Variants in EBI3 observed in about 807,000 individuals in gnomAD.
The protein encoded by EBI3 is interleukin-27 subunit beta.
Under a neutral mutation model 21.3 loss-of-function variants are expected in EBI3, and 19 were observed. The observed-to-expected ratio is 0.89, with a 90% confidence interval of 0.62 to 1.31. The LOEUF is 1.31. EBI3 is among the 50% of genes most tolerant of loss of function. The pLI, the probability that EBI3 is intolerant of heterozygous loss-of-function variation, is 0.00. For missense variants in EBI3, 331 were observed against 314.0 expected (o/e 1.05, Z -0.41); for synonymous variants, 154 against 131.2 (o/e 1.17, Z -1.19).
Position 4,233,300 on chromosome 19 carries a change from G to A in EBI3, c.372G>A (p.Glu124=), listed in dbSNP as rs1293682895. 1.0e-6 allele frequency: 1 copy of A among 970,966 alleles called. No individual in the cohort carries two copies. Among genetic ancestry groups the A allele is most frequent in the East Asian group, 4.7e-5 (1 of 21,336 alleles). The allele number at this position is 970,966 out of a possible 1,614,324, so 60.1% of individuals were successfully genotyped here. The change falls in exon 3 of 5, where the codon GAG becomes GAA. Residue 124 remains glutamate (E), a synonymous_variant. Coordinates refer to ENST00000221847, the MANE Select transcript of EBI3 (RefSeq NM_005755.3). ...SSSSFVPFIT[E]HIIKPDPPEG... The stretch of plus-strand genomic sequence containing the variant: ...GCAGCTTCGTGCCTTTCATAACAGA[G>A]CACATCAGTGAGTGGGGGCGGCAGT...
chr19:4,230,923 CT>C lies in EBI3; in HGVS notation c.68-267del. Among the ~76,000 whole-genome samples the C allele has an allele frequency of 2.0e-5, 3 of 152,150 alleles. No homozygotes were observed. In the South Asian group the frequency reaches 6.2e-4, roughly 32 times the overall value. ...AAAGAGAGAACACGGTAAAATCTCTCTCTCTTACCCGAGTTCCTCTCTGTAG... is the reference window on the plus strand; with the variant it reads ...AAAGAGAGAACACGGTAAAATCTCTCCTCTTACCCGAGTTCCTCTCTGTAG... On this transcript the variant is annotated intron_variant, in intron 1 of 4. Coordinates refer to ENST00000221847, the MANE Select transcript of EBI3 (RefSeq NM_005755.3).
In EBI3 at chr19:4,231,249, C is replaced by T. The variant is rs760784153; in HGVS notation, c.126C>T (p.Ile42=). 41 of 1,612,506 alleles carry T rather than the reference C, an allele frequency of 2.5e-5. No homozygotes were observed. The highest frequency in any genetic ancestry group is 3.5e-5 in the Non-Finnish European group (41 of 1,179,618). ...RVQCRASRYP[I]AVDCSWTLPP... ...AATGCCGAGCCTCTCGGTACCCGATCGCCGTGGATTGCTCCTGGACCCTGC... is the reference window on the plus strand; with the variant it reads ...AATGCCGAGCCTCTCGGTACCCGATTGCCGTGGATTGCTCCTGGACCCTGC... The change falls in exon 2 of 5, where the codon ATC becomes ATT. Residue 42 remains isoleucine (I), a synonymous_variant. Transcript: ENST00000221847.
Position 4,229,646 on chromosome 19 carries a change from G to A in EBI3, c.67+29G>A, listed in dbSNP as rs558136344. ...TGTGGGGCCCCTGGGGGACTGGGGGGCCCAGGCAGACGGACATGACACGAG... is the reference window on the plus strand; with the variant it reads ...TGTGGGGCCCCTGGGGGACTGGGGGACCCAGGCAGACGGACATGACACGAG... On this transcript the variant is annotated intron_variant, in intron 1 of 4. Coordinates refer to ENST00000221847, the MANE Select transcript of EBI3 (RefSeq NM_005755.3). 8.8e-6 allele frequency: 14 copies of A among 1,584,060 alleles called. No individual in the cohort carries two copies. In the East Asian group the frequency reaches 2.5e-4, roughly 28 times the overall value.
In EBI3 at chr19:4,236,979, G is replaced by A. The variant is rs763187652; in HGVS notation, c.581G>A (p.Arg194Gln). The A allele has an allele frequency of 8.3e-6, 13 of 1,561,816 alleles. No individual in the cohort carries two copies. Among genetic ancestry groups the A allele is most frequent in the South Asian group, 2.3e-5 (2 of 85,436 alleles). Residue 194 changes from arginine (R) to glutamine (Q), a missense_variant, in exon 5 of 5, where the codon CGG becomes CAG. Physicochemically the swap from Arg to Gln is conservative, Grantham distance 43. Coordinates refer to ENST00000221847, the MANE Select transcript of EBI3 (RefSeq NM_005755.3). Reference protein sequence around the residue: ...EATSFILRAVRPRARYYVQVA... With the variant: ...EATSFILRAVQPRARYYVQVA... ...ACGTCCTTCATCCTCAGGGCTGTGC[G>A]GCCCCGAGCCAGGTACTACGTCCAA...
Position 4,229,605 on chromosome 19 carries a change from A to C in EBI3, c.55A>C (p.Ser19Arg). ...CCTCTGGGCCAGCTGCCCGCCCTGC[A>C]GTGGAAGGAAAGGTATGTGGGGCCC... ...LVLWASCPPC[S>R]GRKGPPAALT... The change falls in exon 1 of 5, where the codon AGT becomes CGT. Residue 19 changes from serine (S) to arginine (R), a missense_variant. Coordinates refer to ENST00000221847, the MANE Select transcript of EBI3 (RefSeq NM_005755.3). 6.2e-7 allele frequency: 1 copy of C among 1,608,768 alleles called. No homozygotes were observed. Among genetic ancestry groups the C allele is most frequent in the Non-Finnish European group, 8.5e-7 (1 of 1,178,000 alleles).
intron 4 of EBI3, among the ~76,000 whole-genome samples, chr19:4,236,732 G>T (rs1970841638): frequency 6.6e-6 from 1 of 152,032 alleles, no homozygotes; most frequent in South Asian, 2.1e-4. Flanking sequence ...TAAGAGAGGT[G>T]GCTCTGGGGG....
Position 4,229,562 on chromosome 19 carries a change from G to A in EBI3, c.12G>A (p.Gln4=). 2 of 1,611,210 alleles carry A rather than the reference G, an allele frequency of 1.2e-6. No homozygotes were observed. Among genetic ancestry groups the A allele is most frequent in the Non-Finnish European group, 1.7e-6 (2 of 1,178,910 alleles). The part of the protein sequence containing the change: MTP[Q]LLLALVLWAS... ...AGCTGGCCGCAGCCATGACCCCGCA[G>A]CTTCTCCTGGCCCTTGTCCTCTGGG... The change falls in exon 1 of 5, where the codon CAG becomes CAA. Residue 4 remains glutamine, a synonymous_variant. Coordinates refer to ENST00000221847, the MANE Select transcript of EBI3 (RefSeq NM_005755.3).
At chr19:4,234,062 TG>T (rs1445484796) in intron 3 of EBI3, among the ~76,000 whole-genome samples, 1 of 152,108 alleles carries the variant, frequency 6.6e-6, no homozygotes, top group Admixed American at 6.6e-5. Flanking sequence ...AAGAATTAGC[TG>T]GGCATAGTGG....
intron 2 of EBI3, among the ~76,000 whole-genome samples, chr19:4,232,612 C>T (rs181783378): frequency 2.6e-5 from 4 of 151,034 alleles, no homozygotes; most frequent in African/African-American, 7.3e-5. Flanking sequence ...TAGTCCCAAC[C>T]GCTCTGGAGG....
intron 3 of EBI3, 21 bp downstream of exon 3, chr19:4,233,328 G>T: frequency 3.2e-6 from 5 of 1,548,712 alleles, no homozygotes; most frequent in South Asian, 2.4e-5. Flanking sequence ...GCGGCAGTGG[G>T]GGCGGGGGCG....
chr19:4,236,569 G>A (rs945208877), intron 4 of EBI3, among the ~76,000 whole-genome samples: 1 of 147,974 alleles, frequency 6.8e-6, no homozygotes, highest in African/African-American at 2.5e-5. Context: ...TGGGACCAGG[G>A]GTAAAGGGAG....
rs1481235855 is a variant in EBI3, at chr19:4,233,324, G to T, written c.379+17G>T. On this transcript the variant is annotated intron_variant, in intron 3 of 4. Transcript: ENST00000221847. ...AGCACATCAGTGAGTGGGGGCGGCAGTGGGGGCGGGGGCGGGGCTGCCGTC... is the reference window on the plus strand; with the variant it reads ...AGCACATCAGTGAGTGGGGGCGGCATTGGGGGCGGGGGCGGGGCTGCCGTC... 1 of 1,570,596 alleles carries T rather than the reference G, an allele frequency of 6.4e-7. No individual in the cohort carries two copies. Among genetic ancestry groups the T allele is most frequent in the East Asian group, 2.3e-5 (1 of 42,576 alleles).
rs779551965 is a variant in EBI3 at position 4,233,282 on chromosome 19, C to T, written c.354C>T (p.Phe118=). ...ACCCCTGGGGCTCCAGCAGCAGCTT[C>T]GTGCCTTTCATAACAGAGCACATCA... ...AVHPWGSSSS[F]VPFITEHIIK... Residue 118 remains phenylalanine, a synonymous_variant, in exon 3 of 5, where the codon TTC becomes TTT. Coordinates refer to ENST00000221847, the MANE Select transcript of EBI3 (RefSeq NM_005755.3). 1 of 1,401,006 alleles carries T rather than the reference C, an allele frequency of 7.1e-7. No individual in the cohort carries two copies. The highest frequency in any genetic ancestry group is 1.9e-5 in the Admixed American group (1 of 53,132). The allele number at this position is 1,401,006 out of a possible 1,614,324, so 86.8% of individuals were successfully genotyped here.
chr19:4,232,482 C>T (rs1970793948), intron 2 of EBI3, among the ~76,000 whole-genome samples: 1 of 151,716 alleles, frequency 6.6e-6, no homozygotes, highest in Non-Finnish European at 1.5e-5. Context: ...ACTTGGGAGG[C>T]CGAGGTGGGA....
rs72980955 is a variant in EBI3 at position 4,231,062 on chromosome 19, C to T, written c.68-129C>T. On this transcript the variant is annotated intron_variant, in intron 1 of 4. Transcript: ENST00000221847. ...ACTTTTGTCCATGTACCTATTTATTCCGAAAGCCTTTATTAGGCACCTACC... is the reference window on the plus strand; with the variant it reads ...ACTTTTGTCCATGTACCTATTTATTTCGAAAGCCTTTATTAGGCACCTACC... 3.9e-3 allele frequency: 4,934 copies of T among 1,259,632 alleles called. 14 individuals are homozygous for T. The highest frequency in any genetic ancestry group is 4.9e-3 in the Non-Finnish European group (4,691 of 951,316). The allele number at this position is 1,259,632 out of a possible 1,614,324, so 78.0% of individuals were successfully genotyped here. A position where few individuals can be genotyped will look rare whatever the true frequency, so the allele number is the denominator to read the frequency against.
rs748788512 is a variant in EBI3 at position 4,231,310 on chromosome 19, A to G, written c.187A>G (p.Ile63Val). ...APNSTSPVSF[I>V]ATYRLGMAAR... ...AAACTCCACCAGCCCCGTGTCCTTC[A>G]TTGCCACGTACAGGTCGGAGAGCCT... The change falls in exon 2 of 5, where the codon ATT (isoleucine) becomes GTT (valine). Residue 63 changes from isoleucine to valine, a missense_variant. By Grantham distance (29) the Ile-to-Val change is conservative. Transcript: ENST00000221847. 3.1e-6 allele frequency: 5 copies of G among 1,611,310 alleles called. No homozygotes were observed. The highest frequency in any genetic ancestry group is 3.3e-4 in the Middle Eastern group (2 of 6,030).
chr19:4,230,594 A>AATT (rs1970773167), intron 1 of EBI3, among the ~76,000 whole-genome samples: 1 of 150,862 alleles, frequency 6.6e-6, no homozygotes, highest in African/African-American at 2.4e-5. Flanking sequence ...TAATAATAAT[A>AATT]ATTTATAGGC....
Position 4,236,518 on chromosome 19 carries a change from C to CAAAAAAA in EBI3, c.538-399_538-393dup, listed in dbSNP as rs4009634. On this transcript the variant is annotated intron_variant, in intron 4 of 4. Transcript: ENST00000221847. Reference sequence around the variant, plus strand: ...CCTGGGCAACAGAGTAAGACTGTCTCAAAAAAAAAAAAAAAAAAAAAAAAA... The same window carrying CAAAAAAA: ...CCTGGGCAACAGAGTAAGACTGTCTCAAAAAAAAAAAAAAAAAAAAAAAAAAAAAAAA... Among the ~76,000 whole-genome samples the CAAAAAAA allele has an allele frequency of 8.4e-3, 257 of 30,494 alleles. 73 individuals are homozygous for CAAAAAAA. Among genetic ancestry groups the CAAAAAAA allele is most frequent in the East Asian group, 0.028 (17 of 616 alleles). 20.0% of individuals were successfully genotyped at this position (30,494 alleles called of 152,430 possible). A position where few individuals can be genotyped will look rare whatever the true frequency, so the allele number is the denominator to read the frequency against.
In EBI3 at chr19:4,237,125, C is replaced by A. The variant is rs761244871; in HGVS notation, c.*37C>A. 14 of 1,432,730 alleles carry A rather than the reference C, an allele frequency of 9.8e-6. No individual in the cohort carries two copies. The highest frequency in any genetic ancestry group is 1.3e-5 in the Non-Finnish European group (14 of 1,082,436). 88.8% of individuals were successfully genotyped at this position (1,432,730 alleles called of 1,614,324 possible). A position where few individuals can be genotyped will look rare whatever the true frequency, so the allele number is the denominator to read the frequency against. ...CGCTGCCTCCAGACAGCACCTGGGT[C>A]CTCGCCACCCTAAGCCCCGGGACAC... On this transcript the variant is annotated 3_prime_UTR_variant, in exon 5 of 5. Transcript: ENST00000221847.
Sources: gnomAD v4.1 joint callset for allele counts (sites outside exome capture counted in the v4.1 genomes callset) on GRCh38, gnomAD v4.1.1 for gene constraint, MANE v1.5 for transcripts, NCBI Gene and HGNC (gene_info 2026-07-23, HGNC 2026-07-21) for gene names.